Variants in SGCG observed in about 807,000 individuals in gnomAD.
SGCG encodes the protein gamma-sarcoglycan.
SGCG carries 26 observed loss-of-function variants against 29.3 expected under a neutral mutation model. The observed-to-expected ratio is 0.89, with a 90% confidence interval of 0.65 to 1.23. SGCG has a LOEUF of 1.23. Ranked by LOEUF, SGCG falls within the 50% of genes most tolerant of loss-of-function variation. The probability of loss-of-function intolerance (pLI) is 0.00; values close to 1 mark genes in which losing one functional copy is unlikely to be tolerated. For missense variants in SGCG, 353 were observed against 356.0 expected (o/e 0.99, Z 0.07); for synonymous variants, 145 against 129.7 (o/e 1.12, Z -0.80).
At chr13:23,303,783 G>C (rs1882263696) in intron 6 of SGCG, among the ~76,000 whole-genome samples, 1 of 152,314 alleles carries the variant, frequency 6.6e-6, no homozygotes, top group East Asian at 1.9e-4. Context: ...GGGTGAAAAA[G>C]ATAAATGCAC....
chr13:23,201,639 T>C (rs899079544), intron 1 of SGCG, among the ~76,000 whole-genome samples: 1 of 152,198 alleles, frequency 6.6e-6, no homozygotes, highest in Non-Finnish European at 1.5e-5. Flanking sequence ...ACCTATTTTT[T>C]GACCTCCACA....
intron 5 of SGCG, among the ~76,000 whole-genome samples, chr13:23,294,276 T>C (rs1476815236): frequency 6.6e-6 from 1 of 152,208 alleles, no homozygotes; most frequent in African/African-American, 2.4e-5. Flanking sequence ...ATAAGCAATG[T>C]GGTGCTGCTT....
chr13:23,234,588 T>C (rs1250850909), intron 2 of SGCG, 23 bp from the exon 3 acceptor site: 5 of 1,481,738 alleles, frequency 3.4e-6, no homozygotes, highest in Non-Finnish European at 4.7e-6. Context: ...ATATACGCAT[T>C]GTCTCTTTTT....
At chr13:23,218,319 TTTATAAAAC>T (rs1878510036) in intron 2 of SGCG, among the ~76,000 whole-genome samples, 1 of 152,194 alleles carries the variant, frequency 6.6e-6, no homozygotes. Context: ...ATGTAAGTTC[TTTATAAAAC>T]TACAATAATT....
At chr13:23,258,914 C>A (rs9550940) in intron 4 of SGCG, among the ~76,000 whole-genome samples, 54,441 of 151,850 alleles carry the variant, frequency 0.36, 10,482 homozygotes, top group South Asian at 0.5. Flanking sequence ...ATCTTGGTGG[C>A]TAAGCTTTTT....
intron 6 of SGCG, among the ~76,000 whole-genome samples, chr13:23,305,346 A>T (rs1164458734): frequency 6.6e-6 from 1 of 152,210 alleles, no homozygotes; most frequent in Non-Finnish European, 1.5e-5. Context: ...TTTAGATATG[A>T]AGGCTATTGA....
At chr13:23,304,779 T>C (rs1448353434) in intron 6 of SGCG, among the ~76,000 whole-genome samples, 1 of 152,028 alleles carries the variant, frequency 6.6e-6, no homozygotes, top group Non-Finnish European at 1.5e-5. Context: ...AATTTTTGTA[T>C]TTTGTTTGTT....
intron 6 of SGCG, among the ~76,000 whole-genome samples, chr13:23,310,460 T>G (rs1015967038): frequency 2.6e-5 from 4 of 152,234 alleles, no homozygotes; most frequent in Non-Finnish European, 4.4e-5. Flanking sequence ...TTGCTATACC[T>G]GGTCCTACTT....
intron 5 of SGCG, among the ~76,000 whole-genome samples, chr13:23,290,607 G>A (rs1246184504): frequency 1.3e-5 from 2 of 152,144 alleles, no homozygotes; most frequent in African/African-American, 2.4e-5. Context: ...GAATAGGACG[G>A]GAGGCAGTAG....
At chr13:23,180,450 T>G (rs1373869356), upstream of SGCG, among the ~76,000 whole-genome samples, 2 of 152,208 alleles carry the variant, frequency 1.3e-5, no homozygotes, top group Non-Finnish European at 2.9e-5. Flanking sequence ...TCCTCAGATG[T>G]TAAAAGTTTT....
chr13:23,261,175 A>G (rs556635327), intron 4 of SGCG, among the ~76,000 whole-genome samples: 1 of 152,118 alleles, frequency 6.6e-6, no homozygotes. Context: ...AGGTACACCA[A>G]TCAAACGTAG....
In SGCG at chr13:23,303,047, C is replaced by A. The variant is rs185367686; in HGVS notation, c.578+7560C>A. On this transcript the variant is annotated intron_variant, in intron 6 of 7. Coordinates refer to ENST00000218867, the MANE Select transcript of SGCG (RefSeq NM_000231.3). The stretch of plus-strand genomic sequence containing the variant: ...AAGAATTAGAAACTGTGTAACTTGC[C>A]AAATGATTACCTCGTAATCACTGTA... 3.2e-4 allele frequency among the ~76,000 whole-genome samples: 49 copies of A among 152,278 alleles called. 2 individuals are homozygous for A. Among genetic ancestry groups the A allele is most frequent in the Admixed American group, 2.9e-3 (44 of 15,292 alleles).
chr13:23,319,589 A>AT (rs1882958564), intron 6 of SGCG, among the ~76,000 whole-genome samples: 1 of 152,188 alleles, frequency 6.6e-6, no homozygotes, highest in South Asian at 2.1e-4. Flanking sequence ...TGTTCAGTCA[A>AT]TTTAAGTGCA....
chr13:23,177,285 G>A (rs144140349), upstream of SGCG, among the ~76,000 whole-genome samples: 3 of 152,222 alleles, frequency 2.0e-5, no homozygotes, highest in Admixed American at 6.5e-5. Context: ...AAGGTTTGGT[G>A]TCCTGTTGCA....
At chr13:23,179,012 G>A (rs1876645393), upstream of SGCG, among the ~76,000 whole-genome samples, 1 of 152,204 alleles carries the variant, frequency 6.6e-6, no homozygotes, top group Non-Finnish European at 1.5e-5. Context: ...CACGTTTACA[G>A]TGGAGCACCC....
At chr13:23,205,521 G>T (rs1448653225) in intron 2 of SGCG, among the ~76,000 whole-genome samples, 1 of 152,186 alleles carries the variant, frequency 6.6e-6, no homozygotes, top group Non-Finnish European at 1.5e-5. Context: ...TATCTGGAAT[G>T]AATGATGTGC....
At chr13:23,172,246 T>A in the SGCG span, among the ~76,000 whole-genome samples, 1 of 152,198 alleles carries the variant, frequency 6.6e-6, no homozygotes, top group East Asian at 1.9e-4. Flanking sequence ...TTTCTTCTTT[T>A]CAAAGAAGAA....
At chr13:23,304,521 T>C (rs563750879) in intron 6 of SGCG, among the ~76,000 whole-genome samples, 1 of 152,246 alleles carries the variant, frequency 6.6e-6, no homozygotes, top group Admixed American at 6.5e-5. Context: ...TTGGGGCTGT[T>C]CCTGCAATTG....
At chr13:23,163,157 T>A in the SGCG span, among the ~76,000 whole-genome samples, 1 of 152,204 alleles carries the variant, frequency 6.6e-6, no homozygotes, top group Non-Finnish European at 1.5e-5. Context: ...CAATGTTTTC[T>A]ATACAGGGAT....
Sources: allele counts gnomAD v4.1 joint callset (sites outside exome capture counted in the v4.1 genomes callset), GRCh38; gene constraint gnomAD v4.1.1; transcripts MANE v1.5; gene names NCBI Gene and HGNC (gene_info 2026-07-23, HGNC 2026-07-21).